Variants in EVC2 observed in about 807,000 individuals in gnomAD.
EVC2 encodes the protein limbin.
Under a neutral mutation model 149.3 loss-of-function variants are expected in EVC2, and 148 were observed. That is an observed-to-expected ratio of 0.99 (90% CI 0.87 to 1.14). The LOEUF (loss-of-function observed/expected upper bound fraction) is 1.14, where lower values mean the gene tolerates loss of function less well. Ranked by LOEUF, EVC2 falls within the 50% of genes most tolerant of loss-of-function variation. The pLI, the probability that EVC2 is intolerant of heterozygous loss-of-function variation, is 0.00. For missense variants in EVC2, 1,854 were observed against 1,627.3 expected, an observed-to-expected ratio of 1.14 and a Z score of -2.40; for synonymous variants, 776 against 649.9, an observed-to-expected ratio of 1.19 and a Z score of -2.95.
chr4:5,559,779 G>A (rs184435052), downstream of EVC2, among the ~76,000 whole-genome samples: 51 of 152,246 alleles, frequency 3.3e-4, no homozygotes, highest in Middle Eastern at 3.4e-3. This position sits in a 1 kb window ranked among gnomAD's most constrained non-coding sequence, Gnocchi z 5.0. Flanking sequence ...AGTCTATACC[G>A]ATAGAAATAA....
At chr4:5,687,195 T>G (rs1365107524) in intron 5 of EVC2, among the ~76,000 whole-genome samples, 3 of 151,996 alleles carry the variant, frequency 2.0e-5, no homozygotes, top group Non-Finnish European at 4.4e-5. Context: ...AGGTGGAGGT[T>G]GCAGTGAGCC....
chr4:5,643,967 G>A (rs188764020), intron 9 of EVC2, among the ~76,000 whole-genome samples: 1 of 152,208 alleles, frequency 6.6e-6, no homozygotes, highest in Non-Finnish European at 1.5e-5. Flanking sequence ...ACTACCTCAA[G>A]TGTCTCAAAA....
chr4:5,586,185 T>C (rs1413115379), intron 16 of EVC2, among the ~76,000 whole-genome samples: 1 of 152,084 alleles, frequency 6.6e-6, no homozygotes, highest in Non-Finnish European at 1.5e-5. Flanking sequence ...TGACTGAAAA[T>C]ACTTATTTTG....
chr4:5,689,132 T>C, intron 5 of EVC2, 25 bp downstream of exon 5: 2 of 1,613,322 alleles, frequency 1.2e-6, no homozygotes. Flanking sequence ...TTGTCATCCC[T>C]GACTTCAGAA....
upstream of EVC2, chr4:5,708,662 G>C (rs6821316): frequency 1.3e-5 from 7 of 554,670 alleles, no homozygotes; most frequent in Non-Finnish European, 2.0e-5. Flanking sequence ...GGGGCTTGGC[G>C]GGCCAGGAGG....
intron 21 of EVC2, among the ~76,000 whole-genome samples, chr4:5,547,813 G>A (rs1245703437): frequency 3.3e-5 from 5 of 152,184 alleles, no homozygotes; most frequent in Admixed American, 6.5e-5. Flanking sequence ...CCCCTTGCTC[G>A]CCATGTTGTG....
chr4:5,549,223 A>G (rs1227795141), intron 21 of EVC2, among the ~76,000 whole-genome samples: 4 of 152,222 alleles, frequency 2.6e-5, no homozygotes, highest in African/African-American at 9.6e-5. Flanking sequence ...ACAACTAGCC[A>G]TCATTGATTA....
intron 1 of EVC2, among the ~76,000 whole-genome samples, chr4:5,699,456 C>A (rs545346724): frequency 1.4e-4 from 21 of 152,224 alleles, no homozygotes; most frequent in Non-Finnish European, 2.6e-4. Context: ...TGCAGAATAA[C>A]TGAAAGCCAG....
Position 5,677,772 on chromosome 4 carries a change from G to A in EVC2, c.870+3488C>T, listed in dbSNP as rs1442973865. ...TGTTGAGTGCCACCTACAATGTACC[G>A]CACAGTGGGGGACACAGGCAAATCC... is the stretch of plus-strand genomic sequence containing the variant. On this transcript the variant is annotated intron_variant, in intron 7 of 21. Coordinates refer to ENST00000344408, the MANE Select transcript of EVC2 (RefSeq NM_147127.5). The surrounding 1 kb of genome is among the most constrained non-coding windows in gnomAD (Gnocchi z 4.3). Among the ~76,000 whole-genome samples the A allele has an allele frequency of 3.3e-5, 5 of 152,142 alleles. No individual in the cohort carries two copies. The highest frequency in any genetic ancestry group is 9.7e-5 in the African/African-American group (4 of 41,428).
intron 1 of EVC2, among the ~76,000 whole-genome samples, chr4:5,704,572 G>T (rs1722020462): frequency 6.6e-6 from 1 of 152,100 alleles, no homozygotes; most frequent in Admixed American, 6.5e-5. Context: ...ATCACCAAGG[G>T]TGTGAGTACT....
At chr4:5,678,092 TG>T (rs930052421) in intron 7 of EVC2, among the ~76,000 whole-genome samples, 9 of 152,250 alleles carry the variant, frequency 5.9e-5, no homozygotes, top group Non-Finnish European at 1.2e-4. Flanking sequence ...CCTGTAGGGC[TG>T]GGCCTCAGCT....
chr4:5,640,887 G>A lies in EVC2; in HGVS notation c.1146-49C>T. The A allele has an allele frequency of 6.2e-7, 1 of 1,602,000 alleles. No individual in the cohort carries two copies. Among genetic ancestry groups the A allele is most frequent in the East Asian group, 2.2e-5 (1 of 44,824 alleles). Reference sequence around the variant, plus strand: ...AATTCCATTACATGAAATTGCAACAGAAACCAAAGGTCTTTCAAAGCTCTG... The same window carrying A: ...AATTCCATTACATGAAATTGCAACAAAAACCAAAGGTCTTTCAAAGCTCTG... On this transcript the variant is annotated intron_variant, in intron 9 of 21. Coordinates refer to ENST00000344408, the MANE Select transcript of EVC2 (RefSeq NM_147127.5). The surrounding 1 kb of genome is among the most constrained non-coding windows in gnomAD (Gnocchi z 4.6).
intron 21 of EVC2, among the ~76,000 whole-genome samples, chr4:5,556,414 C>T (rs1721841290): frequency 6.6e-6 from 1 of 151,668 alleles, no homozygotes; most frequent in African/African-American, 2.4e-5. Context: ...TACAACTTAT[C>T]CCAATTTGTA....
At chr4:5,604,129 A>G (rs961841441) in intron 16 of EVC2, among the ~76,000 whole-genome samples, 7 of 152,230 alleles carry the variant, frequency 4.6e-5, no homozygotes, top group African/African-American at 1.7e-4. Context: ...AGAGGGGTGT[A>G]GGATACATGC....
At chr4:5,628,790 T>C (rs1716322050) in intron 11 of EVC2, 56 bp from the exon 12 acceptor site, 4 of 1,516,000 alleles carry the variant, frequency 2.6e-6, no homozygotes, top group African/African-American at 1.4e-5. Context: ...TAGAGCATAA[T>C]CTTTCTAGAC....
At chr4:5,578,528 G>A (rs1723068233) in intron 17 of EVC2, among the ~76,000 whole-genome samples, 2 of 152,178 alleles carry the variant, frequency 1.3e-5, no homozygotes, top group South Asian at 4.1e-4. Flanking sequence ...AGTCAGGGGT[G>A]ATTTCAGGTG....
Position 5,613,028 on chromosome 4 carries a change from T to C in EVC2, c.2829+2394A>G, listed in dbSNP as rs1169930088. 6.6e-6 allele frequency among the ~76,000 whole-genome samples: 1 copy of C among 151,650 alleles called. No homozygotes were observed. The highest frequency in any genetic ancestry group is 2.4e-5 in the African/African-American group (1 of 41,258). The stretch of plus-strand genomic sequence containing the variant: ...TATGGAGGGTGTTGAGGTCCAGCCT[T>C]GAGCCACTGGGTGGGAGCGGTGCGG... On this transcript the variant is annotated intron_variant, in intron 16 of 21. Coordinates refer to ENST00000344408, the MANE Select transcript of EVC2 (RefSeq NM_147127.5). The surrounding 1 kb of genome is among the most constrained non-coding windows in gnomAD (Gnocchi z 4.6).
At chr4:5,586,653 C>T (rs1285346116) in intron 16 of EVC2, among the ~76,000 whole-genome samples, 1 of 152,178 alleles carries the variant, frequency 6.6e-6, no homozygotes, top group Non-Finnish European at 1.5e-5. Flanking sequence ...TCCACAACCC[C>T]CTTAGTGTAA....
intron 7 of EVC2, among the ~76,000 whole-genome samples, chr4:5,676,386 C>T (rs893633569): frequency 6.6e-6 from 1 of 152,208 alleles, no homozygotes; most frequent in Non-Finnish European, 1.5e-5. Flanking sequence ...GGAAGCCTCA[C>T]ATCTTTACCT....
Sources: gnomAD v4.1 joint callset for allele counts (sites outside exome capture counted in the v4.1 genomes callset) on GRCh38, gnomAD v4.1.1 for gene constraint, Gnocchi (gnomAD v3.1) non-coding constraint, MANE v1.5 for transcripts, NCBI Gene and HGNC (gene_info 2026-07-23, HGNC 2026-07-21) for gene names.